The following DPP6 variants were observed in gnomAD, a reference collection of about 807,000 sequenced individuals.
DPP6 encodes A-type potassium channel modulatory protein DPP6.
DPP6 carries 69 observed loss-of-function variants against 122.6 expected under a neutral mutation model. The observed-to-expected ratio is 0.56, with a 90% confidence interval of 0.46 to 0.69. The LOEUF (loss-of-function observed/expected upper bound fraction) is 0.69. Ranked by LOEUF, DPP6 falls within the 30% of genes least tolerant of loss-of-function variation. The pLI is 0.00. For missense variants in DPP6, 928 were observed against 1,116.9 expected, an observed-to-expected ratio of 0.83 and a Z score of 2.41; for synonymous variants, 418 against 433.1, an observed-to-expected ratio of 0.97 and a Z score of 0.43.
intron 13 of DPP6, among the ~76,000 whole-genome samples, chr7:154,802,084 C>T (rs937199566): frequency 1.8e-4 from 27 of 152,098 alleles, no homozygotes; most frequent in Admixed American, 9.8e-4. Context: ...GCCTGCAGGA[C>T]GGGGCTGCCA....
chr7:154,307,763 T>C (rs1157947079), intron 1 of DPP6, among the ~76,000 whole-genome samples: 1 of 152,186 alleles, frequency 6.6e-6, no homozygotes, highest in African/African-American at 2.4e-5. Flanking sequence ...CTCCATTCTT[T>C]ATTTTATTTT....
intron 1 of DPP6, among the ~76,000 whole-genome samples, chr7:154,127,594 A>ATC (rs201641285): frequency 3.2e-3 from 254 of 79,812 alleles, no homozygotes; most frequent in East Asian, 0.012. Flanking sequence ...CAGGAGCAGC[A>ATC]TCTCACACAC....
At chr7:154,610,705 C>CTG (rs749816604) in intron 5 of DPP6, among the ~76,000 whole-genome samples, 5 of 140,610 alleles carry the variant, frequency 3.6e-5, no homozygotes, top group African/African-American at 1.4e-4. Context: ...CTGTGTTGTT[C>CTG]TCTGTGTGTG....
intron 1 of DPP6, among the ~76,000 whole-genome samples, chr7:154,314,152 CCT>C (rs748714807): frequency 1.3e-5 from 2 of 152,034 alleles, no homozygotes; most frequent in Non-Finnish European, 1.5e-5. Flanking sequence ...CATGGATGCC[CCT>C]GACTTCTGAT....
chr7:154,712,404 A>G (rs545255379), intron 7 of DPP6, among the ~76,000 whole-genome samples: 1 of 152,264 alleles, frequency 6.6e-6, no homozygotes, highest in South Asian at 2.1e-4. Flanking sequence ...TTCTTTAGTT[A>G]GAAAATTCAC....
At chr7:154,233,478 C>T (rs1219703741) in intron 1 of DPP6, among the ~76,000 whole-genome samples, 1 of 152,106 alleles carries the variant, frequency 6.6e-6, no homozygotes, top group African/African-American at 2.4e-5. Flanking sequence ...GGGTCTTTAC[C>T]AAGGTAATCA....
intron 3 of DPP6, among the ~76,000 whole-genome samples, chr7:154,485,582 T>A (rs780995634): frequency 6.6e-6 from 1 of 152,244 alleles, no homozygotes; most frequent in Non-Finnish European, 1.5e-5. Context: ...ATTTCTGGTC[T>A]CTGAGCTAAG....
At chr7:154,850,667 C>A (rs191883617) in intron 16 of DPP6, among the ~76,000 whole-genome samples, 1 of 152,086 alleles carries the variant, frequency 6.6e-6, no homozygotes, top group Non-Finnish European at 1.5e-5. Flanking sequence ...CTTCATGATT[C>A]GGTCTTGGTA....
At chr7:154,749,150 A>G (rs993321341) in intron 8 of DPP6, among the ~76,000 whole-genome samples, 1 of 138,906 alleles carries the variant, frequency 7.2e-6, no homozygotes, top group Non-Finnish European at 1.6e-5. Flanking sequence ...GGCTTTACTG[A>G]GAGAGGGTGA....
chr7:154,281,625 A>G (rs73491220), intron 1 of DPP6, among the ~76,000 whole-genome samples: 1,663 of 152,334 alleles, frequency 0.011, 35 homozygotes, highest in African/African-American at 0.039. Context: ...TATGTAAGAG[A>G]AGGCACTAGG....
At chr7:154,454,656 C>T (rs537785964) in intron 2 of DPP6, among the ~76,000 whole-genome samples, 1 of 152,138 alleles carries the variant, frequency 6.6e-6, no homozygotes, top group East Asian at 1.9e-4. Context: ...ATGGGGAGAG[C>T]CTGGAGCGCA....
intron 5 of DPP6, among the ~76,000 whole-genome samples, chr7:154,604,939 T>C (rs115614236): frequency 0.022 from 2,596 of 120,182 alleles, 506 homozygotes; most frequent in African/African-American, 0.064. Flanking sequence ...CATGACAGCA[T>C]GCACTTTAGT....
At chr7:153,846,997 T>A in the DPP6 span, among the ~76,000 whole-genome samples, 2 of 152,186 alleles carry the variant, frequency 1.3e-5, no homozygotes, top group Admixed American at 1.3e-4. Flanking sequence ...GGTTCTTTTT[T>A]AAAAATATTT....
chr7:154,652,965 G>A (rs947291375), intron 6 of DPP6, among the ~76,000 whole-genome samples: 11 of 152,258 alleles, frequency 7.2e-5, no homozygotes, highest in South Asian at 2.1e-4. Context: ...CTCCGTTCAC[G>A]TCCATTCATT....
At chr7:154,722,433 G>A (rs111678418) in intron 7 of DPP6, among the ~76,000 whole-genome samples, 2 of 152,332 alleles carry the variant, frequency 1.3e-5, no homozygotes, top group African/African-American at 4.8e-5. Flanking sequence ...TGAATCATGG[G>A]ACCTCAATGA....
chr7:154,186,131 T>C (rs1798342636), intron 1 of DPP6, among the ~76,000 whole-genome samples: 1 of 152,204 alleles, frequency 6.6e-6, no homozygotes, highest in South Asian at 2.1e-4. Context: ...AGCTCTGAGA[T>C]TTCATCCGAA....
At chr7:154,356,024 T>A (rs2151088629) in intron 1 of DPP6, among the ~76,000 whole-genome samples, 1 of 152,338 alleles carries the variant, frequency 6.6e-6, no homozygotes, top group African/African-American at 2.4e-5. Flanking sequence ...CTCATTTTAA[T>A]GTTTTCTATG....
At chr7:153,964,924 T>TTCTTTCTTTCTTTCTTTCTTTC in intron 1 of DPP6, among the ~76,000 whole-genome samples, 1 of 140,808 alleles carries the variant, frequency 7.1e-6, no homozygotes, top group East Asian at 2.0e-4. Context: ...CTTTCTTTCT[T>TTCTTTCTTTCTTTCTTTCTTTC]TCTTTCTTTC....
chr7:153,846,146 A>T, the DPP6 span, among the ~76,000 whole-genome samples: 1 of 152,194 alleles, frequency 6.6e-6, no homozygotes, highest in Admixed American at 6.5e-5. Context: ...ATCTTCGTCA[A>T]CATTTGGTGT....
Sources: gnomAD v4.1 joint callset for allele counts (sites outside exome capture counted in the v4.1 genomes callset) on GRCh38, gnomAD v4.1.1 for gene constraint, MANE v1.5 for transcripts, NCBI Gene and HGNC (gene_info 2026-07-23, HGNC 2026-07-21) for gene names.